The following NR2C2 variants were observed in gnomAD, a reference collection of about 807,000 sequenced individuals.
NR2C2 encodes Nuclear hormone receptor TR4.
In NR2C2, 6 loss-of-function variants were observed where a neutral mutation model predicts 62.9. That is an observed-to-expected ratio of 0.10 (90% confidence interval 0.05 to 0.19). The LOEUF (loss-of-function observed/expected upper bound fraction) is 0.19, where lower values mean the gene tolerates loss of function less well. Ranked by LOEUF, NR2C2 falls within the 10% of genes least tolerant of loss-of-function variation. NR2C2 has a pLI of 1.00. For synonymous variants in NR2C2, 272 were observed against 273.8 expected (o/e 0.99, Z 0.07); for missense variants, 479 against 762.7 (o/e 0.63, Z 4.38).
At chr3:14,972,174 C>CTTTTTTTTT (rs527677356) in intron 1 of NR2C2, among the ~76,000 whole-genome samples, 1 of 117,080 alleles carries the variant, frequency 8.5e-6, no homozygotes, top group Non-Finnish European at 1.8e-5. Flanking sequence ...CTTTTTCTTT[C>CTTTTTTTTT]TTTTTTTTTT....
At position 14,988,588 on chromosome 3, in the gene NR2C2, T is replaced by C. The variant is rs1004243748; in HGVS notation, c.-39-15288T>C. On this transcript the variant is annotated intron_variant, in intron 1 of 13. Transcript: ENST00000425241. ...ACTTTTTGCTTCCTTTATTAATCTT[T>C]CCTTTTACACATACGTAAAGCACAT... Among the ~76,000 whole-genome samples the C allele has an allele frequency of 9.8e-5, 15 of 152,360 alleles. 1 individual carries two copies. Among genetic ancestry groups the C allele is most frequent in the Admixed American group, 9.8e-4 (15 of 15,306 alleles).
At chr3:14,984,061 T>C (rs1015927113) in intron 1 of NR2C2, among the ~76,000 whole-genome samples, 1 of 151,676 alleles carries the variant, frequency 6.6e-6, no homozygotes, top group Non-Finnish European at 1.5e-5. Flanking sequence ...GCTAATTTTG[T>C]ATTTTTAGTA....
chr3:14,985,078 C>G (rs756634844), intron 1 of NR2C2, among the ~76,000 whole-genome samples: 5 of 152,064 alleles, frequency 3.3e-5, no homozygotes, highest in Non-Finnish European at 7.4e-5. Context: ...ATCCATACAT[C>G]ATCTTTGATG....
intron 2 of NR2C2, among the ~76,000 whole-genome samples, chr3:15,006,726 T>G (rs1037763095): frequency 6.6e-6 from 1 of 152,134 alleles, no homozygotes; most frequent in South Asian, 2.1e-4. Flanking sequence ...CATTTCTCTT[T>G]GCTGGGAACA....
chr3:15,019,103 A>G (rs1180282621), intron 4 of NR2C2, among the ~76,000 whole-genome samples: 1 of 150,830 alleles, frequency 6.6e-6, no homozygotes, highest in Admixed American at 6.6e-5. Context: ...GTGCACACCT[A>G]TAATTCCAGC....
intron 1 of NR2C2, among the ~76,000 whole-genome samples, chr3:14,994,218 C>T (rs6803058): frequency 1.4e-3 from 208 of 152,160 alleles, no homozygotes; most frequent in African/African-American, 4.8e-3. Flanking sequence ...TGTAGTATAA[C>T]ATACCTAAGT....
chr3:15,037,894 A>G (rs2042148164), intron 11 of NR2C2, 106 bp from the exon 12 acceptor site: 11 of 1,220,746 alleles, frequency 9.0e-6, no homozygotes, highest in Middle Eastern at 2.3e-4. Flanking sequence ...CTGATTTTTC[A>G]TTAAAAAGTG....
At chr3:15,015,275 C>T (rs184917613) in intron 3 of NR2C2, among the ~76,000 whole-genome samples, 6 of 152,316 alleles carry the variant, frequency 3.9e-5, no homozygotes, top group African/African-American at 1.4e-4. Context: ...AGTTCAAGTA[C>T]ATTTTAAAAT....
In NR2C2 at chr3:15,038,061, C is replaced by T. The variant is rs774463799; in HGVS notation, c.1434C>T (p.Phe478=). 2.5e-6 allele frequency: 4 copies of T among 1,614,006 alleles called. No individual in the cohort carries two copies. Among genetic ancestry groups the T allele is most frequent in the African/African-American group, 2.7e-5 (2 of 74,908 alleles). Residue 478 remains phenylalanine (F), a synonymous_variant, in exon 12 of 14, where the codon TTC becomes TTT. Transcript: ENST00000425241. ...VMEHIWKLQE[F]CNSMAKLDID... ...AGCACATCTGGAAGCTGCAGGAGTT[C>T]TGTAACAGCATGGCGAAGCTGGATA... is the stretch of plus-strand genomic sequence containing the variant.
At chr3:15,018,601 T>C (rs2041580016) in intron 4 of NR2C2, among the ~76,000 whole-genome samples, 1 of 152,142 alleles carries the variant, frequency 6.6e-6, no homozygotes, top group Non-Finnish European at 1.5e-5. Flanking sequence ...CAGTGGCTCA[T>C]GCCTATAATC....
chr3:14,971,893 C>T (rs1222897231), intron 1 of NR2C2, among the ~76,000 whole-genome samples: 2 of 150,526 alleles, frequency 1.3e-5, no homozygotes, highest in Non-Finnish European at 3.0e-5. Context: ...ACTGCAACCT[C>T]CGCCTCCCAG....
At chr3:14,963,089 T>C (rs1193083031) in intron 1 of NR2C2, among the ~76,000 whole-genome samples, 1 of 152,124 alleles carries the variant, frequency 6.6e-6, no homozygotes, top group Non-Finnish European at 1.5e-5. Flanking sequence ...GTGGGGAACT[T>C]TGTGGTAGAT....
rs2042065093 is a variant in NR2C2, at chr3:15,034,827, G to A, written c.1372+18G>A. The A allele has an allele frequency of 4.4e-6, 7 of 1,600,584 alleles. No individual in the cohort carries two copies. Among genetic ancestry groups the A allele is most frequent in the African/African-American group, 1.3e-5 (1 of 74,664 alleles). ...CCAGGAAGGTAGGGCACAGGGACTT[G>A]GGGCTGGGGTGTGTCTTGGTTCAGC... is the stretch of plus-strand genomic sequence containing the variant. On this transcript the variant is annotated intron_variant, in intron 11 of 13. Coordinates refer to ENST00000425241, the MANE Select transcript of NR2C2 (RefSeq NM_001291694.2).
chr3:15,041,903 A>G (rs929983082), intron 13 of NR2C2, among the ~76,000 whole-genome samples: 1 of 152,100 alleles, frequency 6.6e-6, no homozygotes, highest in African/African-American at 2.4e-5. Flanking sequence ...TACTATTAAC[A>G]TTTTGCGTAT....
rs1244336037 is a variant in NR2C2, at chr3:15,046,620, T to C, written c.*3612T>C. 3 of 152,284 alleles carry C rather than the reference T, an allele frequency of 2.0e-5. No individual in the cohort carries two copies. The highest frequency in any genetic ancestry group is 2.9e-5 in the Non-Finnish European group (2 of 68,064). 9.4% of individuals were successfully genotyped at this position (152,284 alleles called of 1,614,324 possible). On this transcript the variant is annotated 3_prime_UTR_variant, in exon 14 of 14. Coordinates refer to ENST00000425241, the MANE Select transcript of NR2C2 (RefSeq NM_001291694.2). ...ATCCATGTTCTGGGACCTGATCTCA[T>C]TGGAGTCCAGAAGCTTGTTGCCCAC... is the stretch of plus-strand genomic sequence containing the variant.
intron 1 of NR2C2, among the ~76,000 whole-genome samples, chr3:14,987,965 G>A (rs745833471): frequency 6.6e-6 from 1 of 152,140 alleles, no homozygotes; most frequent in Non-Finnish European, 1.5e-5. Context: ...CTGTATCCCG[G>A]AAACATAGCA....
At chr3:15,001,246 C>T (rs1028713219) in intron 1 of NR2C2, among the ~76,000 whole-genome samples, 7 of 150,372 alleles carry the variant, frequency 4.7e-5, no homozygotes, top group Non-Finnish European at 1.0e-4. Context: ...GGGATTGCTT[C>T]CTTAATTTCA....
chr3:15,011,580 C>T (rs530306908), intron 2 of NR2C2, among the ~76,000 whole-genome samples: 1 of 152,312 alleles, frequency 6.6e-6, no homozygotes, highest in South Asian at 2.1e-4. Flanking sequence ...GGACTCCGGG[C>T]ATGCCACAGA....
intron 1 of NR2C2, among the ~76,000 whole-genome samples, chr3:14,981,602 C>CAA (rs927608192): frequency 1.2e-3 from 45 of 37,432 alleles, no homozygotes; most frequent in South Asian, 1.6e-3. Context: ...GGCTCTGTCT[C>CAA]AAAAAAAAAA....
Sources: gnomAD v4.1 joint callset for allele counts (sites outside exome capture counted in the v4.1 genomes callset) on GRCh38, gnomAD v4.1.1 for gene constraint, MANE v1.5 for transcripts, NCBI Gene and HGNC (gene_info 2026-07-23, HGNC 2026-07-21) for gene names.